Variants in ENTPD1 observed in about 807,000 individuals in gnomAD.
ENTPD1 encodes ATP diphosphohydrolase.
A neutral mutation model predicts 57.0 loss-of-function variants in ENTPD1; 33 were observed. The ratio of observed to expected loss-of-function variants is 0.58; its 90% CI spans 0.44 to 0.77. ENTPD1 has a LOEUF of 0.77. Among genes scored for constraint, ENTPD1 ranks in the 30% least tolerant of loss-of-function variants. ENTPD1 has a pLI of 0.00. For synonymous variants in ENTPD1, 202 were observed against 218.8 expected (o/e 0.92, Z 0.68); for missense variants, 501 against 603.4 (o/e 0.83, Z 1.78).
chr10:95,839,172 A>T (rs1384006316), intron 2 of ENTPD1: 1 of 157,140 alleles, frequency 6.4e-6, no homozygotes, highest in African/African-American at 2.4e-5. Flanking sequence ...ACTTATCTGC[A>T]CATTAGAATC....
rs528055498 is a variant in ENTPD1 at position 95,825,780 on chromosome 10, A to G, written c.144+2416A>G. ...TTTTTAGTAGAGACGGGGTTTCACCATGTTAGCCAGGATGGTCTTGATCTC... is the reference window on the plus strand; with the variant it reads ...TTTTTAGTAGAGACGGGGTTTCACCGTGTTAGCCAGGATGGTCTTGATCTC... On this transcript the variant is annotated intron_variant, in intron 2 of 9. Coordinates refer to ENST00000371205, the MANE Select transcript of ENTPD1 (RefSeq NM_001776.6). Among the ~76,000 whole-genome samples, 5 of 152,080 alleles carry G rather than the reference A, an allele frequency of 3.3e-5. No homozygotes were observed. The East Asian group carries it at 5.8e-4, about 18-fold the overall frequency.
At chr10:95,853,742 T>A (rs535480642) in intron 7 of ENTPD1, among the ~76,000 whole-genome samples, 1 of 152,310 alleles carries the variant, frequency 6.6e-6, no homozygotes, top group Non-Finnish European at 1.5e-5. Flanking sequence ...GTTTATTGAT[T>A]TTCGTATGTT....
chr10:95,708,274 C>G (rs910001247), upstream of ENTPD1, among the ~76,000 whole-genome samples: 2 of 151,364 alleles, frequency 1.3e-5, no homozygotes, highest in African/African-American at 4.9e-5. Flanking sequence ...AGTGCAGTGC[C>G]GTGACCTCGG....
At chr10:95,745,290 C>T (rs1012380975) in intron 1 of ENTPD1, among the ~76,000 whole-genome samples, 3 of 152,120 alleles carry the variant, frequency 2.0e-5, no homozygotes, top group African/African-American at 7.2e-5. Flanking sequence ...CTCAAGTGAT[C>T]CTCTTGCCTC....
rs1446000712 is a variant in ENTPD1, at chr10:95,874,326, A to G, written c.*7943A>G. Among the ~76,000 whole-genome samples the G allele has an allele frequency of 6.6e-6, 1 of 152,180 alleles. No individual in the cohort carries two copies. The highest frequency in any genetic ancestry group is 1.5e-5 in the Non-Finnish European group (1 of 68,028). On this transcript the variant is annotated 3_prime_UTR_variant, in exon 10 of 10. Coordinates refer to ENST00000371205, the MANE Select transcript of ENTPD1 (RefSeq NM_001776.6). ...ACAAAGGGGTTACAGGGTCCATGCAAGTCTGAAATCCAGTGGGGCAGTCAA... is the reference window on the plus strand; with the variant it reads ...ACAAAGGGGTTACAGGGTCCATGCAGGTCTGAAATCCAGTGGGGCAGTCAA...
chr10:95,761,329 G>C (rs1270226570), intron 1 of ENTPD1, among the ~76,000 whole-genome samples: 2 of 152,118 alleles, frequency 1.3e-5, no homozygotes, highest in Non-Finnish European at 2.9e-5. Flanking sequence ...TGTATCATTA[G>C]AGAACTTGTT....
In ENTPD1 at chr10:95,868,219, C is replaced by A; in HGVS notation, c.*1836C>A. ...TGGCTGAGCCAAAGCCTACCATGTACCTAACCTTTATTTTCTTTCCCGAAC... is the reference window on the plus strand; with the variant it reads ...TGGCTGAGCCAAAGCCTACCATGTAACTAACCTTTATTTTCTTTCCCGAAC... On this transcript the variant is annotated 3_prime_UTR_variant, in exon 10 of 10. Transcript: ENST00000371205. 1 of 985,436 alleles carries A rather than the reference C, an allele frequency of 1.0e-6. No homozygotes were observed. The highest frequency in any genetic ancestry group is 1.2e-6 in the Non-Finnish European group (1 of 829,930). The allele number at this position is 985,436 out of a possible 1,614,324, so 61.0% of individuals were successfully genotyped here.
chr10:95,728,969 T>C (rs2097986522), intron 1 of ENTPD1, among the ~76,000 whole-genome samples: 1 of 152,202 alleles, frequency 6.6e-6, no homozygotes, highest in African/African-American at 2.4e-5. Flanking sequence ...TAAAATAGAC[T>C]AATATCTACA....
chr10:95,706,745 T>C, the ENTPD1 span, among the ~76,000 whole-genome samples: 1 of 152,194 alleles, frequency 6.6e-6, no homozygotes, highest in Non-Finnish European at 1.5e-5. Flanking sequence ...TGGGTGGTCA[T>C]AGGCAGCAGG....
intron 7 of ENTPD1, among the ~76,000 whole-genome samples, chr10:95,851,828 A>C (rs2098445777): frequency 6.6e-6 from 1 of 152,042 alleles, no homozygotes; most frequent in African/African-American, 2.4e-5. Context: ...CCAGTCTATC[A>C]TTGATTGACA....
At chr10:95,844,752 G>C in intron 5 of ENTPD1, 117 bp downstream of exon 5, 1 of 1,253,446 alleles carries the variant, frequency 8.0e-7, no homozygotes, top group Middle Eastern at 2.6e-4. Context: ...TGGATGGATG[G>C]ATGGATGACT....
intron 1 of ENTPD1, among the ~76,000 whole-genome samples, chr10:95,776,827 C>A (rs1589781255): frequency 6.6e-6 from 1 of 152,110 alleles, no homozygotes; most frequent in Non-Finnish European, 1.5e-5. Flanking sequence ...AGGCTTTGTT[C>A]ATTTCTTTTT....
intron 2 of ENTPD1, among the ~76,000 whole-genome samples, chr10:95,828,709 ATTT>A (rs5787162): frequency 5.3e-5 from 7 of 132,132 alleles, no homozygotes; most frequent in African/African-American, 5.7e-5. Context: ...GGTTATCCCC[ATTT>A]TTTTTTTTTT....
rs2098483731 is a variant in ENTPD1 at position 95,874,475 on chromosome 10, C to G, written c.*8092C>G. ...CCTGTGGCTTTGCAGAGTACAGCCTCCCTCCTGGCTGCTTTCTCAGGCTGA... is the reference window on the plus strand; with the variant it reads ...CCTGTGGCTTTGCAGAGTACAGCCTGCCTCCTGGCTGCTTTCTCAGGCTGA... On this transcript the variant is annotated 3_prime_UTR_variant, in exon 10 of 10. Coordinates refer to ENST00000371205, the MANE Select transcript of ENTPD1 (RefSeq NM_001776.6). Among the ~76,000 whole-genome samples the G allele has an allele frequency of 6.6e-6, 1 of 152,202 alleles. No homozygotes were observed. The highest frequency in any genetic ancestry group is 2.4e-5 in the African/African-American group (1 of 41,450).
At chr10:95,799,903 T>A (rs2098241782) in intron 1 of ENTPD1, among the ~76,000 whole-genome samples, 1 of 152,230 alleles carries the variant, frequency 6.6e-6, no homozygotes, top group African/African-American at 2.4e-5. Flanking sequence ...GCTTTTTTTA[T>A]ATGATTGTTG....
chr10:95,823,106 G>C, intron 1 of ENTPD1, 131 bp from the exon 2 acceptor site: 1 of 1,054,888 alleles, frequency 9.5e-7, no homozygotes, highest in Non-Finnish European at 1.4e-6. Flanking sequence ...GTACCTCATT[G>C]ATAAAAAAGA....
Position 95,844,592 on chromosome 10 carries a change from A to G in ENTPD1, c.530A>G (p.Tyr177Cys), listed in dbSNP as rs867210101. Residue 177 changes from tyrosine to cysteine, a missense_variant, in exon 5 of 10, where the codon TAT (tyrosine) becomes TGT (cysteine). By Grantham distance (194) the Tyr-to-Cys change is radical (BLOSUM62 -2). Coordinates refer to ENST00000371205, the MANE Select transcript of ENTPD1 (RefSeq NM_001776.6). ...RIITGQEEGA[Y>C]GWITINYLLG... ...ATTACTGGCCAAGAGGAAGGTGCCT[A>G]TGGCTGGATTACTATCAACTATCTG... 4 of 1,614,198 alleles carry G rather than the reference A, an allele frequency of 2.5e-6. No individual in the cohort carries two copies. Among genetic ancestry groups the G allele is most frequent in the South Asian group, 2.2e-5 (2 of 91,086 alleles).
the ENTPD1 span, among the ~76,000 whole-genome samples, chr10:95,705,569 G>A: frequency 6.6e-6 from 1 of 152,094 alleles, no homozygotes; most frequent in South Asian, 2.1e-4. Context: ...TCGGCTCACT[G>A]CAACCTCCAC....
intron 5 of ENTPD1, among the ~76,000 whole-genome samples, 181 bp from the exon 6 acceptor site, chr10:95,845,176 T>C (rs1213151422): frequency 6.6e-6 from 1 of 152,236 alleles, no homozygotes. Flanking sequence ...CAGTCTGAGC[T>C]ATGTCTTTGA....
Sources: gnomAD v4.1 joint callset for allele counts (sites outside exome capture counted in the v4.1 genomes callset) on GRCh38, gnomAD v4.1.1 for gene constraint, MANE v1.5 for transcripts, NCBI Gene and HGNC (gene_info 2026-07-23, HGNC 2026-07-21) for gene names.